The following PCDHA11 variants were observed in gnomAD, a reference collection of about 807,000 sequenced individuals.
PCDHA11 encodes protocadherin alpha 11.
A neutral mutation model predicts 70.3 loss-of-function variants in PCDHA11; 61 were observed. The ratio of observed to expected loss-of-function variants is 0.87; its 90% CI spans 0.71 to 1.07. The LOEUF (loss-of-function observed/expected upper bound fraction) is 1.07, where lower values mean the gene tolerates loss of function less well. Ranked by LOEUF, PCDHA11 falls within the 50% of genes least tolerant of loss-of-function variation. The pLI is 0.00. For synonymous variants in PCDHA11, 633 were observed against 555.1 expected, an observed-to-expected ratio of 1.14 and a Z score of -1.97; for missense variants, 1,324 against 1,237.5, an observed-to-expected ratio of 1.07 and a Z score of -1.05.
At chr5:140,896,346 G>A (rs1466880160) in intron 1 of PCDHA11, among the ~76,000 whole-genome samples, 17 of 151,992 alleles carry the variant, frequency 1.1e-4, no homozygotes, top group African/African-American at 3.4e-4. Flanking sequence ...TTATATTCCC[G>A]CCAGCAGTGT....
chr5:140,976,770 C>T (rs2096730456), intron 1 of PCDHA11, among the ~76,000 whole-genome samples: 1 of 152,162 alleles, frequency 6.6e-6, no homozygotes, highest in Non-Finnish European at 1.5e-5. Flanking sequence ...GCCTGCTAGA[C>T]TCTGACTATA....
chr5:140,915,681 G>C (rs1261107431), intron 1 of PCDHA11, among the ~76,000 whole-genome samples: 1 of 151,116 alleles, frequency 6.6e-6, no homozygotes, highest in Non-Finnish European at 1.5e-5. Context: ...TCTTGAACTA[G>C]GGGTATGGTG....
At chr5:140,909,269 A>G (rs1554193726) in intron 1 of PCDHA11, among the ~76,000 whole-genome samples, 1 of 152,240 alleles carries the variant, frequency 6.6e-6, no homozygotes, top group Admixed American at 6.5e-5. Context: ...CTGAAGGCAA[A>G]TTGCTTCTGG....
intron 1 of PCDHA11, among the ~76,000 whole-genome samples, chr5:140,941,208 T>TTCCTTTCTTTCTTTCTTTCTTTCG (rs2092839762): frequency 9.1e-6 from 1 of 109,450 alleles, no homozygotes; most frequent in Non-Finnish European, 2.0e-5. Context: ...TCTTCCTTTC[T>TTCCTTTCTTTCTTTCTTTCTTTCG]TTCTTCCTTT....
At position 140,876,146 on chromosome 5, in the gene PCDHA11, C is replaced by G. The variant is rs75398909; in HGVS notation, c.2391+4652C>G. The G allele has an allele frequency of 1.6e-3, 2,650 of 1,613,952 alleles. 40 individuals carry two copies. In the African/African-American group the frequency reaches 0.028, roughly 17 times the overall value. ...GGCGGTAAACCAGAACTAACAGGGT[C>G]TGTCCAGATTCAAATAACCGTCCTG... On this transcript the variant is annotated intron_variant, in intron 1 of 3. Coordinates refer to ENST00000398640, the MANE Select transcript of PCDHA11 (RefSeq NM_018902.5).
At chr5:140,984,788 T>C (rs2097121100) in intron 3 of PCDHA11, among the ~76,000 whole-genome samples, 1 of 152,292 alleles carries the variant, frequency 6.6e-6, no homozygotes, top group Non-Finnish European at 1.5e-5. Context: ...TGGGTGAGCA[T>C]AGACAAACTG....
intron 1 of PCDHA11, chr5:140,884,631 A>G: frequency 2.5e-6 from 4 of 1,612,580 alleles, no homozygotes; most frequent in Non-Finnish European, 3.4e-6. Flanking sequence ...GGAACAGGCC[A>G]GAGGGAGGAG....
chr5:140,967,477 C>T (rs782240426), intron 1 of PCDHA11: 1 of 1,613,396 alleles, frequency 6.2e-7, no homozygotes, highest in Non-Finnish European at 8.5e-7. Flanking sequence ...TCCCAGCCCG[C>T]TCGGGTACGG....
intron 1 of PCDHA11, among the ~76,000 whole-genome samples, chr5:140,908,732 A>G (rs909800763): frequency 6.6e-6 from 1 of 152,200 alleles, no homozygotes; most frequent in African/African-American, 2.4e-5. Flanking sequence ...ATATGGCTCG[A>G]GAAACAGAGC....
Position 140,870,192 on chromosome 5 carries a change from G to C in PCDHA11, c.1089G>C (p.Gln363His). ...CCCTCCCAGTACGAGAGGACGCTCAGCCCAGCACGGTCATTGCCCTGATCA... is the reference window on the plus strand; with the variant it reads ...CCCTCCCAGTACGAGAGGACGCTCACCCCAGCACGGTCATTGCCCTGATCA... ...SLSLPVREDA[Q>H]PSTVIALISV... The change falls in exon 1 of 4, where the codon CAG becomes CAC. Residue 363 changes from glutamine to histidine, a missense_variant. Coordinates refer to ENST00000398640, the MANE Select transcript of PCDHA11 (RefSeq NM_018902.5). The C allele has an allele frequency of 1.9e-6, 3 of 1,614,158 alleles. No individual in the cohort carries two copies. The highest frequency in any genetic ancestry group is 2.5e-6 in the Non-Finnish European group (3 of 1,180,034).
At chr5:140,895,267 T>G (rs2064938299) in intron 1 of PCDHA11, among the ~76,000 whole-genome samples, 1 of 152,162 alleles carries the variant, frequency 6.6e-6, no homozygotes. Flanking sequence ...TTTTTCTTAC[T>G]CAGGGATAAT....
At position 140,885,311 on chromosome 5, in the gene PCDHA11, T is replaced by C. The variant is rs3776122; in HGVS notation, c.2391+13817T>C. On this transcript the variant is annotated intron_variant, in intron 1 of 3. Transcript: ENST00000398640. Reference sequence around the variant, plus strand: ...AGAGAGAGACCTGGTAGGCTTTTTGTTATTATTTCTTTTCCAAAGTTTGAA... The same window carrying C: ...AGAGAGAGACCTGGTAGGCTTTTTGCTATTATTTCTTTTCCAAAGTTTGAA... Among the ~76,000 whole-genome samples, 52 of 152,304 alleles carry C rather than the reference T, an allele frequency of 3.4e-4. No individual in the cohort carries two copies. In the East Asian group the frequency reaches 7.5e-3, roughly 22 times the overall value.
rs1297383367 is a variant in PCDHA11 at position 140,898,744 on chromosome 5, G to T, written c.2391+27250G>T. ...CTGTGAAGAAAGTCATTGGTAGCTT[G>T]ATGGGGATGGCATTGAATCTGTAAA... is the stretch of plus-strand genomic sequence containing the variant. On this transcript the variant is annotated intron_variant, in intron 1 of 3. Coordinates refer to ENST00000398640, the MANE Select transcript of PCDHA11 (RefSeq NM_018902.5). 1.1e-4 allele frequency among the ~76,000 whole-genome samples: 17 copies of T among 152,248 alleles called. 2 individuals are homozygous for T. Among genetic ancestry groups the T allele is most frequent in the East Asian group, 7.7e-4 (4 of 5,188 alleles).
chr5:140,968,124 G>A (rs202202452), intron 1 of PCDHA11: 59 of 1,614,008 alleles, frequency 3.7e-5, no homozygotes, highest in Non-Finnish European at 4.7e-5. Flanking sequence ...ACATCCCTGC[G>A]TACACTGAAG....
chr5:140,966,707 A>C, intron 1 of PCDHA11: 1 of 1,379,868 alleles, frequency 7.2e-7, no homozygotes, highest in Non-Finnish European at 9.3e-7. Context: ...GGCGTGGGGC[A>C]CGGCTGGGGA....
At position 140,886,849 on chromosome 5, in the gene PCDHA11, A is replaced by G. The variant is rs541841964; in HGVS notation, c.2391+15355A>G. ...CTTGAAAAAAAAAAAAAAAAAAAAG[A>G]AAGGTCTTCCCAACTCCTATATTGA... On this transcript the variant is annotated intron_variant, in intron 1 of 3. Coordinates refer to ENST00000398640, the MANE Select transcript of PCDHA11 (RefSeq NM_018902.5). Among the ~76,000 whole-genome samples, 4 of 150,006 alleles carry G rather than the reference A, an allele frequency of 2.7e-5. No homozygotes were observed. The East Asian group carries it at 7.8e-4, about 29-fold the overall frequency.
At chr5:140,878,689 AT>A (rs1582445250) in intron 1 of PCDHA11, among the ~76,000 whole-genome samples, 1 of 152,246 alleles carries the variant, frequency 6.6e-6, no homozygotes, top group Admixed American at 6.5e-5. Flanking sequence ...AAAGTCTTAC[AT>A]ACCCCAGCCT....
chr5:140,987,898 A>T (rs1394668777), intron 3 of PCDHA11, among the ~76,000 whole-genome samples: 1 of 152,092 alleles, frequency 6.6e-6, no homozygotes, highest in Non-Finnish European at 1.5e-5. Context: ...CCCTAGTTTT[A>T]TATGGGGATT....
In PCDHA11 at chr5:140,981,860, A is replaced by C. The variant is rs377325751; in HGVS notation, c.2451-615A>C. On this transcript the variant is annotated intron_variant, in intron 2 of 3. Coordinates refer to ENST00000398640, the MANE Select transcript of PCDHA11 (RefSeq NM_018902.5). ...TCCCAGTTTGTATCTCACTCCCAGC[A>C]ATGTTTTATGCTGAATTAATCTCTT... Among the ~76,000 whole-genome samples the C allele has an allele frequency of 1.1e-3, 166 of 152,246 alleles. 1 individual carries two copies. The highest frequency in any genetic ancestry group is 3.9e-3 in the African/African-American group (160 of 41,532).
Sources: allele counts gnomAD v4.1 joint callset (sites outside exome capture counted in the v4.1 genomes callset), GRCh38; gene constraint gnomAD v4.1.1; transcripts MANE v1.5; gene names NCBI Gene and HGNC (gene_info 2026-07-23, HGNC 2026-07-21).